The following TNIK variants were observed in gnomAD, a reference collection of about 807,000 sequenced individuals.
TNIK encodes the protein TRAF2 and NCK-interacting protein kinase.
In TNIK, 49 loss-of-function variants were observed where a neutral mutation model predicts 191.3. The observed-to-expected ratio is 0.26, with a 90% CI of 0.20 to 0.32. The LOEUF (loss-of-function observed/expected upper bound fraction) is 0.32. TNIK is among the 10% of genes least tolerant of loss of function. The pLI is 1.00. For synonymous variants in TNIK, 594 were observed against 600.9 expected, an observed-to-expected ratio of 0.99 and a Z score of 0.17; for missense variants, 1,155 against 1,702.3, an observed-to-expected ratio of 0.68 and a Z score of 5.66.
At chr3:171,408,661 G>A (rs971035175) in intron 1 of TNIK, among the ~76,000 whole-genome samples, 1 of 152,124 alleles carries the variant, frequency 6.6e-6, no homozygotes. Context: ...CACCTCAGTA[G>A]GTTGTTGTGA....
At chr3:171,245,778 T>A (rs377654428) in intron 2 of TNIK, among the ~76,000 whole-genome samples, 36 of 152,342 alleles carry the variant, frequency 2.4e-4, no homozygotes, top group African/African-American at 8.7e-4. Context: ...AATGCAGGTC[T>A]GAATAAAATG....
At chr3:171,092,348 G>T (rs902216996) in intron 23 of TNIK, among the ~76,000 whole-genome samples, 1 of 152,194 alleles carries the variant, frequency 6.6e-6, no homozygotes, top group Non-Finnish European at 1.5e-5. Flanking sequence ...AACTGAAAAT[G>T]TGGCTCCAAA....
intron 2 of TNIK, among the ~76,000 whole-genome samples, chr3:171,276,242 C>A (rs1749734296): frequency 6.6e-6 from 1 of 152,156 alleles, no homozygotes; most frequent in East Asian, 1.9e-4. Context: ...ATAGGAAGAT[C>A]ATTGAAGATA....
rs142429495 is a variant in TNIK at position 171,325,483 on chromosome 3, T to C, written c.123+44137A>G. Reference sequence around the variant, plus strand: ...AAGTTAGTATGTCCTGTAACTATTATGTAATATGGAACATACTTATAATGA... The same window carrying C: ...AAGTTAGTATGTCCTGTAACTATTACGTAATATGGAACATACTTATAATGA... On this transcript the variant is annotated intron_variant, in intron 2 of 32. Coordinates refer to ENST00000436636, the MANE Select transcript of TNIK (RefSeq NM_015028.4). Among the ~76,000 whole-genome samples the C allele has an allele frequency of 4.0e-3, 615 of 152,296 alleles. 7 individuals are homozygous for C. Among genetic ancestry groups the C allele is most frequent in the Non-Finnish European group, 7.1e-3 (483 of 68,008 alleles).
At chr3:171,376,793 TG>T (rs1236760934) in intron 1 of TNIK, among the ~76,000 whole-genome samples, 9 of 148,100 alleles carry the variant, frequency 6.1e-5, no homozygotes, top group African/African-American at 2.4e-4. Context: ...GATAGATAGA[TG>T]AGAGAGATAT....
chr3:171,141,111 C>T (rs1401371746), intron 12 of TNIK, among the ~76,000 whole-genome samples: 1 of 152,100 alleles, frequency 6.6e-6, no homozygotes, highest in Non-Finnish European at 1.5e-5. Flanking sequence ...CGAATAAGAC[C>T]CTTATGCTTG....
intron 15 of TNIK, among the ~76,000 whole-genome samples, chr3:171,137,108 C>CTTTTTTTTTTTTTTTT (rs71176593): frequency 9.6e-6 from 1 of 104,162 alleles, no homozygotes; most frequent in Non-Finnish European, 1.8e-5. Context: ...TTTAAAAATC[C>CTTTTTTTTTTTTTTTT]TTTTTTTTTT....
At chr3:171,064,272 C>T (rs1196027595) in intron 32 of TNIK, among the ~76,000 whole-genome samples, 3 of 152,078 alleles carry the variant, frequency 2.0e-5, no homozygotes, top group Non-Finnish European at 4.4e-5. Flanking sequence ...GCTAGGATAA[C>T]GTGCTGGATT....
At chr3:171,127,959 T>C (rs1483612209) in intron 16 of TNIK, among the ~76,000 whole-genome samples, 2 of 152,196 alleles carry the variant, frequency 1.3e-5, no homozygotes, top group Non-Finnish European at 2.9e-5. Context: ...AATTCCTTAA[T>C]CTATTTCACT....
chr3:171,376,170 A>G (rs558765827), intron 1 of TNIK, among the ~76,000 whole-genome samples: 12 of 152,350 alleles, frequency 7.9e-5, no homozygotes, highest in African/African-American at 2.9e-4. Context: ...CAGAACAAAG[A>G]AAACAGGAAC....
At chr3:171,319,354 CCA>C (rs1310207892) in intron 2 of TNIK, among the ~76,000 whole-genome samples, 2 of 152,070 alleles carry the variant, frequency 1.3e-5, no homozygotes, top group African/African-American at 2.4e-5. Flanking sequence ...TAAGTTCTAA[CCA>C]CAGTCTGGAA....
At chr3:171,383,539 G>C (rs1471607616) in intron 1 of TNIK, among the ~76,000 whole-genome samples, 2 of 152,128 alleles carry the variant, frequency 1.3e-5, no homozygotes, top group Non-Finnish European at 2.9e-5. Context: ...ATTGCATTTT[G>C]TCTTTGTTCC....
intron 1 of TNIK, among the ~76,000 whole-genome samples, chr3:171,437,974 C>T (rs1726232027): frequency 6.6e-6 from 1 of 152,210 alleles, no homozygotes; most frequent in Non-Finnish European, 1.5e-5. Context: ...CCCATACTTT[C>T]CTGTTAGCCA....
intron 18 of TNIK, among the ~76,000 whole-genome samples, chr3:171,119,192 T>C (rs1429294456): frequency 6.6e-6 from 1 of 152,108 alleles, no homozygotes; most frequent in Non-Finnish European, 1.5e-5. Context: ...CATGAAAAAA[T>C]GCATCATCAT....
At chr3:171,147,665 C>A (rs965566313) in intron 12 of TNIK, among the ~76,000 whole-genome samples, 6 of 152,106 alleles carry the variant, frequency 3.9e-5, no homozygotes, top group Admixed American at 2.6e-4. Flanking sequence ...CGTAGTGCAG[C>A]CTATGATGCC....
chr3:171,098,429 G>A lies in TNIK; in HGVS notation c.2591+3020C>T, dbSNP rs149865605. Among the ~76,000 whole-genome samples, 264 of 152,148 alleles carry A rather than the reference G, an allele frequency of 1.7e-3. 1 individual carries two copies. Among genetic ancestry groups the A allele is most frequent in the African/African-American group, 5.7e-3 (238 of 41,510 alleles). On this transcript the variant is annotated intron_variant, in intron 22 of 32. Transcript: ENST00000436636. ...AATTTTGGTGTATTTCCCTCCACTC[G>A]TTATTTTTCTATGCATGAGGAATTG... is the stretch of plus-strand genomic sequence containing the variant.
chr3:171,129,094 C>T (rs916949679), intron 15 of TNIK, among the ~76,000 whole-genome samples: 4 of 152,136 alleles, frequency 2.6e-5, no homozygotes, highest in East Asian at 3.8e-4. Flanking sequence ...CATCACTCTT[C>T]CATTACCCAT....
At chr3:171,178,195 C>A (rs1736193502) in intron 7 of TNIK, among the ~76,000 whole-genome samples, 1 of 152,186 alleles carries the variant, frequency 6.6e-6, no homozygotes, top group South Asian at 2.1e-4. Flanking sequence ...TAGTTAAATA[C>A]CTGAGAGTGG....
chr3:171,268,938 A>G (rs1748743763), intron 2 of TNIK, among the ~76,000 whole-genome samples: 1 of 152,208 alleles, frequency 6.6e-6, no homozygotes, highest in African/African-American at 2.4e-5. Context: ...AAGAATTTAT[A>G]CTTTCCAGAA....
Sources: allele counts gnomAD v4.1 joint callset (sites outside exome capture counted in the v4.1 genomes callset), GRCh38; gene constraint gnomAD v4.1.1; transcripts MANE v1.5; gene names NCBI Gene and HGNC (gene_info 2026-07-23, HGNC 2026-07-21).